Variants in EPHA4 observed in about 807,000 individuals in gnomAD.
EPHA4 encodes the protein ephrin type-A receptor 4.
EPHA4 carries 19 observed loss-of-function variants against 108.3 expected under a neutral mutation model. The observed-to-expected ratio is 0.18, with a 90% CI of 0.12 to 0.26. The LOEUF is 0.26. Ranked by LOEUF, EPHA4 falls within the 10% of genes least tolerant of loss-of-function variation. The pLI is 1.00. For missense variants in EPHA4, 917 were observed against 1,254.0 expected, an observed-to-expected ratio of 0.73 and a Z score of 4.06; for synonymous variants, 449 against 455.5, an observed-to-expected ratio of 0.99 and a Z score of 0.18.
intron 3 of EPHA4, among the ~76,000 whole-genome samples, chr2:221,526,996 A>G (rs763920109): frequency 2.1e-4 from 31 of 148,414 alleles, no homozygotes; most frequent in Non-Finnish European, 4.1e-4. Flanking sequence ...GCGTGGTGGT[A>G]GGCACCTGTA....
At chr2:221,456,379 C>T (rs1690951941) in intron 7 of EPHA4, among the ~76,000 whole-genome samples, 1 of 152,104 alleles carries the variant, frequency 6.6e-6, no homozygotes, top group African/African-American at 2.4e-5. Flanking sequence ...AAATAGGCAA[C>T]ATTTTTCATT....
At chr2:221,543,927 G>A (rs922015523) in intron 3 of EPHA4, among the ~76,000 whole-genome samples, 3 of 151,998 alleles carry the variant, frequency 2.0e-5, no homozygotes, top group African/African-American at 4.8e-5. Context: ...TATTTTTCAC[G>A]GTTCTGGAGG....
At chr2:221,560,767 C>T (rs1694438271) in intron 3 of EPHA4, among the ~76,000 whole-genome samples, 1 of 152,208 alleles carries the variant, frequency 6.6e-6, no homozygotes, top group African/African-American at 2.4e-5. Context: ...CCAAGGCTCA[C>T]AGGGCTTAAG....
chr2:221,461,985 CTT>C (rs71050335), intron 5 of EPHA4, among the ~76,000 whole-genome samples: 4 of 138,900 alleles, frequency 2.9e-5, no homozygotes, highest in Admixed American at 7.3e-5. Context: ...TGAACACATT[CTT>C]TTTTTTTTTT....
At chr2:221,429,793 A>C (rs1339170092) in intron 15 of EPHA4, among the ~76,000 whole-genome samples, 165 bp downstream of exon 15, 2 of 152,188 alleles carry the variant, frequency 1.3e-5, no homozygotes, top group African/African-American at 4.8e-5. Flanking sequence ...AAAATGCTGA[A>C]TAGAACTACC....
At chr2:221,500,768 C>T (rs996912154) in intron 4 of EPHA4, among the ~76,000 whole-genome samples, 20 of 152,178 alleles carry the variant, frequency 1.3e-4, no homozygotes, top group African/African-American at 4.8e-4. Context: ...TGTCAGACAA[C>T]CTCTGAACAC....
At chr2:221,501,463 G>T (rs1355213093) in intron 3 of EPHA4, 1 of 303,650 alleles carries the variant, frequency 3.3e-6, no homozygotes, top group Non-Finnish European at 6.1e-6. Context: ...GCCTTTCTAT[G>T]TGCCAGATAC....
chr2:221,476,210 T>C (rs1691650179), intron 5 of EPHA4, among the ~76,000 whole-genome samples: 1 of 152,032 alleles, frequency 6.6e-6, no homozygotes, highest in Non-Finnish European at 1.5e-5. Flanking sequence ...CCAAAACAAT[T>C]CTCAGAATCA....
chr2:221,420,853 C>A (rs1559231893), intron 17 of EPHA4, among the ~76,000 whole-genome samples: 1 of 152,102 alleles, frequency 6.6e-6, no homozygotes, highest in African/African-American at 2.4e-5. Context: ...CAATGCCATA[C>A]CCTCTGGAGT....
At chr2:221,494,749 G>T (rs902465497) in intron 4 of EPHA4, among the ~76,000 whole-genome samples, 1 of 152,176 alleles carries the variant, frequency 6.6e-6, no homozygotes, top group African/African-American at 2.4e-5. Context: ...TCCTGCAGGG[G>T]TGTGAGGTTG....
At chr2:221,568,095 T>A (rs1238832162) in intron 2 of EPHA4, among the ~76,000 whole-genome samples, 1 of 152,216 alleles carries the variant, frequency 6.6e-6, no homozygotes, top group Admixed American at 6.5e-5. Context: ...GACCTTATAA[T>A]CCAGACTACT....
chr2:221,523,788 G>A (rs1693242759), intron 3 of EPHA4, among the ~76,000 whole-genome samples: 1 of 150,450 alleles, frequency 6.6e-6, no homozygotes, highest in African/African-American at 2.4e-5. Context: ...AGAGAGACAA[G>A]GTTTCATCAT....
At chr2:221,492,216 A>G (rs1459489975) in intron 4 of EPHA4, among the ~76,000 whole-genome samples, 9 of 152,174 alleles carry the variant, frequency 5.9e-5, no homozygotes, top group Admixed American at 3.9e-4. Flanking sequence ...AACCTGGCTA[A>G]ATGGCATTGG....
intron 4 of EPHA4, among the ~76,000 whole-genome samples, chr2:221,489,437 G>C (rs1692077212): frequency 1.3e-5 from 2 of 152,104 alleles, no homozygotes; most frequent in South Asian, 4.1e-4. Flanking sequence ...GCAAAATTTT[G>C]CACATGCAAC....
At chr2:221,518,998 G>C (rs1164831600) in intron 3 of EPHA4, among the ~76,000 whole-genome samples, 1 of 152,124 alleles carries the variant, frequency 6.6e-6, no homozygotes, top group Non-Finnish European at 1.5e-5. Flanking sequence ...AGGAAAGATA[G>C]CAGTAAAGGT....
At chr2:221,515,072 T>C (rs1056891790) in intron 3 of EPHA4, among the ~76,000 whole-genome samples, 9 of 152,150 alleles carry the variant, frequency 5.9e-5, no homozygotes, top group African/African-American at 2.2e-4. Flanking sequence ...TTTCTAGGAT[T>C]CTATTTACAA....
rs113365816 is a variant in EPHA4, at chr2:221,525,983, C to A, written c.824-24811G>T. On this transcript the variant is annotated intron_variant, in intron 3 of 17. Coordinates refer to ENST00000281821, the MANE Select transcript of EPHA4 (RefSeq NM_004438.5). Reference sequence around the variant, plus strand: ...GCAAAGGTCCAACTGGTTACATAGCCAAAGCAGGAGTCCAATTGAGGTTTA... The same window carrying A: ...GCAAAGGTCCAACTGGTTACATAGCAAAAGCAGGAGTCCAATTGAGGTTTA... Among the ~76,000 whole-genome samples, 200 of 152,218 alleles carry A rather than the reference C, an allele frequency of 1.3e-3. 3 individuals carry two copies. The highest frequency in any genetic ancestry group is 4.7e-3 in the African/African-American group (197 of 41,546).
At chr2:221,503,735 C>T (rs373756226) in intron 3 of EPHA4, among the ~76,000 whole-genome samples, 10 of 152,302 alleles carry the variant, frequency 6.6e-5, no homozygotes. Context: ...GTGCTATTCT[C>T]GGCAGCCTTG....
chr2:221,562,188 T>G (rs1297069385), intron 3 of EPHA4, among the ~76,000 whole-genome samples: 1 of 150,262 alleles, frequency 6.7e-6, no homozygotes, highest in Non-Finnish European at 1.5e-5. Flanking sequence ...ACTTGTAAAC[T>G]TTTAAATTTA....
Sources: gnomAD v4.1 joint callset for allele counts (sites outside exome capture counted in the v4.1 genomes callset) on GRCh38, gnomAD v4.1.1 for gene constraint, MANE v1.5 for transcripts, NCBI Gene and HGNC (gene_info 2026-07-23, HGNC 2026-07-21) for gene names.